The following PBX1 variants were observed in gnomAD, a reference collection of about 807,000 sequenced individuals.
The protein encoded by PBX1 is PBX homeobox 1.
In PBX1, 6 loss-of-function variants were observed where a neutral mutation model predicts 53.4. The observed-to-expected ratio is 0.11, with a 90% confidence interval of 0.06 to 0.22. The LOEUF (loss-of-function observed/expected upper bound fraction) is 0.22. Among genes scored for constraint, PBX1 ranks in the 10% least tolerant of loss-of-function variants. The pLI is 1.00. For synonymous variants in PBX1, 204 were observed against 212.3 expected, an observed-to-expected ratio of 0.96 and a Z score of 0.34; for missense variants, 251 against 551.4, an observed-to-expected ratio of 0.46 and a Z score of 5.46.
intron 8 of PBX1, among the ~76,000 whole-genome samples, chr1:164,830,386 A>T (rs530475961): frequency 3.2e-4 from 48 of 152,320 alleles, no homozygotes; most frequent in African/African-American, 1.1e-3. Flanking sequence ...TCTTAACACA[A>T]AACATAGAAA....
intron 2 of PBX1, among the ~76,000 whole-genome samples, chr1:164,582,076 A>G (rs1654651097): frequency 6.6e-6 from 1 of 152,262 alleles, no homozygotes; most frequent in Admixed American, 6.5e-5. Flanking sequence ...TGAGGAAATT[A>G]GAAGAAAAAA....
In PBX1 at chr1:164,574,364, C is replaced by T. The variant is rs542879164; in HGVS notation, c.265+11053C>T. 1.3e-4 allele frequency among the ~76,000 whole-genome samples: 20 copies of T among 152,248 alleles called. No homozygotes were observed. The South Asian group carries it at 2.1e-3, about 16-fold the overall frequency. Reference sequence around the variant, plus strand: ...CTGTGGTAGCATATTATTTTGAGAACGCCATTTAACCTCTTAGTCTCAGGT... The same window carrying T: ...CTGTGGTAGCATATTATTTTGAGAATGCCATTTAACCTCTTAGTCTCAGGT... On this transcript the variant is annotated intron_variant, in intron 2 of 8. Coordinates refer to ENST00000420696, the MANE Select transcript of PBX1 (RefSeq NM_002585.4).
At chr1:164,657,387 A>G (rs1022982740) in intron 2 of PBX1, 3 of 152,234 alleles carry the variant, frequency 2.0e-5, no homozygotes, top group African/African-American at 4.8e-5. Context: ...ACCAAACCTA[A>G]TATTATCATG....
chr1:164,653,653 C>T (rs1206799680), intron 2 of PBX1, among the ~76,000 whole-genome samples: 1 of 152,088 alleles, frequency 6.6e-6, no homozygotes, highest in Non-Finnish European at 1.5e-5. Context: ...ACCTATAATC[C>T]CAGCTACTTG....
intron 2 of PBX1, among the ~76,000 whole-genome samples, chr1:164,870,210 T>TTCTTTTCTTTCCTTCC (rs1180229062): frequency 4.7e-5 from 3 of 64,514 alleles, no homozygotes; most frequent in African/African-American, 1.2e-4. Flanking sequence ...CTTTCTTTCT[T>TTCTTTTCTTTCCTTCC]TTCTTTCTTT....
chr1:164,655,818 A>G (rs531056421), intron 2 of PBX1, among the ~76,000 whole-genome samples: 1 of 152,296 alleles, frequency 6.6e-6, no homozygotes, highest in South Asian at 2.1e-4. Context: ...CATGGCATCA[A>G]TATGCAGTGA....
intron 2 of PBX1, among the ~76,000 whole-genome samples, chr1:164,677,663 G>GTAGGGA (rs1280467197): frequency 6.6e-6 from 1 of 152,112 alleles, no homozygotes; most frequent in African/African-American, 2.4e-5. Context: ...TTGAGAGGAG[G>GTAGGGA]TAGGGATGGG....
intron 2 of PBX1, among the ~76,000 whole-genome samples, chr1:164,753,031 A>T (rs1284108418): frequency 6.6e-6 from 1 of 152,220 alleles, no homozygotes; most frequent in Non-Finnish European, 1.5e-5. Flanking sequence ...TTACTAGCAA[A>T]CATGAGTAAG....
At chr1:164,666,407 T>C (rs1660811265) in intron 2 of PBX1, among the ~76,000 whole-genome samples, 2 of 152,218 alleles carry the variant, frequency 1.3e-5, no homozygotes, top group South Asian at 4.1e-4. Context: ...GTTTCAAAGA[T>C]CCAGTGATGT....
At chr1:164,587,730 C>T (rs189494149) in intron 2 of PBX1, among the ~76,000 whole-genome samples, 6 of 152,284 alleles carry the variant, frequency 3.9e-5, no homozygotes, top group Admixed American at 2.6e-4. Context: ...TCGTTTTGTG[C>T]GGATGAGGCA....
At chr1:164,663,867 T>C (rs1660657133) in intron 2 of PBX1, among the ~76,000 whole-genome samples, 1 of 152,232 alleles carries the variant, frequency 6.6e-6, no homozygotes, top group Admixed American at 6.5e-5. Context: ...TTAATAACTC[T>C]TCCCAGAAGC....
Position 164,848,538 on chromosome 1 carries a change from A to G in PBX1, c.*1862A>G, listed in dbSNP as rs1354731746. ...CTTGTTGTAACTTCTGGTTAATATC[A>G]GTACCTTGATGTCATCACCGTGATG... On this transcript the variant is annotated 3_prime_UTR_variant, in exon 9 of 9. Transcript: ENST00000420696. 3 of 1,059,726 alleles carry G rather than the reference A, an allele frequency of 2.8e-6. No homozygotes were observed. In the East Asian group the frequency reaches 1.5e-4, roughly 55 times the overall value. The allele number at this position is 1,059,726 out of a possible 1,614,324, so 65.6% of individuals were successfully genotyped here.
intron 2 of PBX1, among the ~76,000 whole-genome samples, chr1:164,870,167 T>C (rs1009499137): frequency 6.6e-6 from 1 of 152,074 alleles, no homozygotes; most frequent in Non-Finnish European, 1.5e-5. Flanking sequence ...TTATTCTCAT[T>C]CTAAAATCAC....
intron 2 of PBX1, among the ~76,000 whole-genome samples, chr1:164,740,613 T>C (rs141536049): frequency 6.6e-6 from 1 of 152,324 alleles, no homozygotes; most frequent in East Asian, 1.9e-4. Context: ...GAATACCTGA[T>C]TATGTGCCAG....
At chr1:164,764,328 G>A (rs972270280) in intron 2 of PBX1, among the ~76,000 whole-genome samples, 4 of 152,160 alleles carry the variant, frequency 2.6e-5, no homozygotes, top group African/African-American at 9.7e-5. Flanking sequence ...GCACTTATAT[G>A]TTCACGACAG....
intron 8 of PBX1, chr1:164,828,973 A>C (rs1240480765): frequency 6.6e-6 from 1 of 152,192 alleles, no homozygotes; most frequent in Non-Finnish European, 1.5e-5. Context: ...GTTTGAGGAA[A>C]TTCTTTTTCA....
intron 2 of PBX1, among the ~76,000 whole-genome samples, chr1:164,759,487 G>T (rs1448153534): frequency 6.6e-6 from 1 of 152,202 alleles, no homozygotes; most frequent in African/African-American, 2.4e-5. Context: ...GGAGCTTCAT[G>T]TGCTAGCTCC....
intron 2 of PBX1, among the ~76,000 whole-genome samples, chr1:164,676,460 G>A (rs2635029): frequency 0.8 from 121,452 of 152,128 alleles, 48,724 homozygotes; most frequent in Non-Finnish European, 0.84. Context: ...GCAGGATTGT[G>A]TGAACAGGTG....
chr1:164,716,344 G>T (rs1557962335), intron 2 of PBX1, among the ~76,000 whole-genome samples: 1 of 152,090 alleles, frequency 6.6e-6, no homozygotes, highest in African/African-American at 2.4e-5. Flanking sequence ...CCCTTGAAAA[G>T]AATATGTAGC....
Sources: gnomAD v4.1 joint callset for allele counts (sites outside exome capture counted in the v4.1 genomes callset) on GRCh38, gnomAD v4.1.1 for gene constraint, MANE v1.5 for transcripts, NCBI Gene and HGNC (gene_info 2026-07-23, HGNC 2026-07-21) for gene names.